The following AGBL4 variants were observed in gnomAD, a reference collection of about 807,000 sequenced individuals.
AGBL4 encodes the protein AGBL carboxypeptidase 4.
AGBL4 carries 58 observed loss-of-function variants against 66.4 expected under a neutral mutation model. That is an observed-to-expected ratio of 0.87 (90% CI 0.71 to 1.09). The LOEUF is 1.09. Ranked by LOEUF, AGBL4 falls within the 50% of genes least tolerant of loss-of-function variation. The pLI is 0.00. For synonymous variants in AGBL4, 234 were observed against 222.9 expected (o/e 1.05, Z -0.44); for missense variants, 579 against 631.0 (o/e 0.92, Z 0.88).
At chr1:50,015,259 C>T (rs1661891461) in intron 1 of AGBL4, among the ~76,000 whole-genome samples, 1 of 152,128 alleles carries the variant, frequency 6.6e-6, no homozygotes, top group South Asian at 2.1e-4. Context: ...CGTTCTCTGG[C>T]CTCAGAATTC....
chr1:48,989,130 A>G (rs1660409720), intron 5 of AGBL4, among the ~76,000 whole-genome samples: 1 of 152,194 alleles, frequency 6.6e-6, no homozygotes, highest in Admixed American at 6.5e-5. Flanking sequence ...GTTGTCACAG[A>G]TTCTGTAAAT....
At chr1:48,750,603 A>AG (rs1557943909) in intron 6 of AGBL4, among the ~76,000 whole-genome samples, 1 of 152,186 alleles carries the variant, frequency 6.6e-6, no homozygotes, top group Non-Finnish European at 1.5e-5. Flanking sequence ...TAAGGTGGCA[A>AG]GGGGGGCTTA....
At chr1:49,198,314 T>C (rs1256216648) in intron 4 of AGBL4, among the ~76,000 whole-genome samples, 1 of 152,186 alleles carries the variant, frequency 6.6e-6, no homozygotes, top group African/African-American at 2.4e-5. Flanking sequence ...TAAAAGTTCA[T>C]GATGTGAATC....
At chr1:49,936,699 A>G (rs975879031) in intron 1 of AGBL4, among the ~76,000 whole-genome samples, 62 of 152,338 alleles carry the variant, frequency 4.1e-4, no homozygotes, top group African/African-American at 1.5e-3. Flanking sequence ...TCTTAAGGAA[A>G]AGAATTTTCA....
At chr1:48,889,547 C>G (rs1650709466) in intron 5 of AGBL4, among the ~76,000 whole-genome samples, 1 of 152,132 alleles carries the variant, frequency 6.6e-6, no homozygotes, top group Non-Finnish European at 1.5e-5. Context: ...CTGTGCAAGT[C>G]AGGAAGATCT....
chr1:49,381,376 G>C (rs968454335), intron 3 of AGBL4, among the ~76,000 whole-genome samples: 2 of 152,194 alleles, frequency 1.3e-5, no homozygotes, highest in Admixed American at 1.3e-4. Flanking sequence ...GGAGAAATAG[G>C]AACACTTTGA....
In AGBL4 at chr1:49,996,086, C is replaced by T. The variant is rs560656670; in HGVS notation, c.34+27677G>A. 2.0e-5 allele frequency: 3 copies of T among 152,192 alleles called. No individual in the cohort carries two copies. In the East Asian group the frequency reaches 5.8e-4, roughly 29 times the overall value. The allele number at this position is 152,192 out of a possible 1,614,324, so 9.4% of individuals were successfully genotyped here. A position where few individuals can be genotyped will look rare whatever the true frequency, so the allele number is the denominator to read the frequency against. On this transcript the variant is annotated intron_variant, in intron 1 of 13. Transcript: ENST00000371839. ...AGCAGCCCTTAAGTCAAATATCTTC[C>T]CCCTGACATAATCTACCCAAATGAG... is the stretch of plus-strand genomic sequence containing the variant.
At chr1:49,055,288 A>G (rs1194436325) in intron 4 of AGBL4, among the ~76,000 whole-genome samples, 1 of 152,030 alleles carries the variant, frequency 6.6e-6, no homozygotes, top group Non-Finnish European at 1.5e-5. Context: ...TTATTAAAAA[A>G]ATCAAAGAAA....
At chr1:49,239,755 G>C (rs1328837694) in intron 4 of AGBL4, among the ~76,000 whole-genome samples, 1 of 152,086 alleles carries the variant, frequency 6.6e-6, no homozygotes, top group Admixed American at 6.6e-5. Context: ...CATAGTTCTA[G>C]AGCTAGAAAT....
rs577111321 is a variant in AGBL4, at chr1:48,780,988, T to C, written c.634+86203A>G. On this transcript the variant is annotated intron_variant, in intron 6 of 13. Transcript: ENST00000371839. Reference sequence around the variant, plus strand: ...TGTTCCCCTTTTTAAGGGTTGATGCTGAATCCCAACTCTGCCTTTCCCATT... The same window carrying C: ...TGTTCCCCTTTTTAAGGGTTGATGCCGAATCCCAACTCTGCCTTTCCCATT... Among the ~76,000 whole-genome samples the C allele has an allele frequency of 5.3e-5, 8 of 152,356 alleles. No individual in the cohort carries two copies. In the East Asian group the frequency reaches 9.6e-4, roughly 18 times the overall value.
intron 1 of AGBL4, among the ~76,000 whole-genome samples, chr1:49,911,560 A>G (rs1650835015): frequency 6.6e-6 from 1 of 152,222 alleles, no homozygotes; most frequent in Admixed American, 6.5e-5. Flanking sequence ...CCCCACTGTC[A>G]GTCTAAAGTC....
chr1:49,883,802 C>A (rs1217980224), intron 1 of AGBL4, among the ~76,000 whole-genome samples: 1 of 151,560 alleles, frequency 6.6e-6, no homozygotes, highest in Non-Finnish European at 1.5e-5. Context: ...CAAGACACTA[C>A]AAAACATGCA....
chr1:49,911,755 T>A (rs993255187), intron 1 of AGBL4, among the ~76,000 whole-genome samples: 1 of 152,152 alleles, frequency 6.6e-6, no homozygotes. Context: ...ACAGTCCCAT[T>A]TGGCCTTGAG....
chr1:49,357,039 T>C (rs1644034429), intron 3 of AGBL4, among the ~76,000 whole-genome samples: 1 of 152,154 alleles, frequency 6.6e-6, no homozygotes, highest in African/African-American at 2.4e-5. Flanking sequence ...CTGATCAGGA[T>C]AACTGAGCAC....
intron 1 of AGBL4, among the ~76,000 whole-genome samples, chr1:49,933,461 T>TA (rs1372696964): frequency 1.3e-5 from 2 of 152,014 alleles, no homozygotes; most frequent in African/African-American, 4.8e-5. Flanking sequence ...CATATGAAAG[T>TA]AAAAAACTCA....
chr1:49,611,778 G>A (rs1456279856), intron 3 of AGBL4, among the ~76,000 whole-genome samples: 1 of 152,150 alleles, frequency 6.6e-6, no homozygotes, highest in Non-Finnish European at 1.5e-5. Context: ...TGAATAAGGA[G>A]TAGATGTAAA....
intron 3 of AGBL4, among the ~76,000 whole-genome samples, chr1:49,384,485 T>A (rs969714408): frequency 6.6e-6 from 1 of 151,732 alleles, no homozygotes; most frequent in Non-Finnish European, 1.5e-5. Flanking sequence ...CCCAGCTACT[T>A]GGGAGGCTGA....
chr1:48,936,858 G>C (rs915427054), intron 5 of AGBL4, among the ~76,000 whole-genome samples: 1 of 152,160 alleles, frequency 6.6e-6, no homozygotes, highest in African/African-American at 2.4e-5. Context: ...TCTTCAGCAA[G>C]TTTGAGGAAA....
intron 6 of AGBL4, among the ~76,000 whole-genome samples, chr1:48,844,190 G>A (rs1203426743): frequency 2.0e-5 from 3 of 152,120 alleles, no homozygotes. Context: ...TCTCACTGCA[G>A]GATCTTTAAC....
Sources: allele counts gnomAD v4.1 joint callset (sites outside exome capture counted in the v4.1 genomes callset), GRCh38; gene constraint gnomAD v4.1.1; transcripts MANE v1.5; gene names NCBI Gene and HGNC (gene_info 2026-07-23, HGNC 2026-07-21).